BIRC6: variants seen among roughly 807,000 people sequenced by gnomAD.
The protein encoded by BIRC6 is dual E2 ubiquitin-conjugating enzyme/E3 ubiquitin-protein ligase BIRC6.
Under a neutral mutation model 503.3 loss-of-function variants are expected in BIRC6, and 98 were observed. The ratio of observed to expected loss-of-function variants is 0.19; its 90% CI spans 0.17 to 0.23. The LOEUF (loss-of-function observed/expected upper bound fraction) is 0.23, where lower values mean the gene tolerates loss of function less well. Ranked by LOEUF, BIRC6 falls within the 10% of genes least tolerant of loss-of-function variation. BIRC6 has a pLI of 1.00. For missense variants in BIRC6, 5,360 were observed against 5,806.0 expected (o/e 0.92, Z 2.50); for synonymous variants, 2,240 against 2,078.7 (o/e 1.08, Z -2.11).
At chr2:32,545,090 A>T (rs2754511) in intron 62 of BIRC6, among the ~76,000 whole-genome samples, 36,944 of 152,000 alleles carry the variant, frequency 0.24, 5,528 homozygotes, top group Non-Finnish European at 0.32. Context: ...CACTATTTTT[A>T]GTGCATATAC....
chr2:32,465,609 T>C (rs2048460371), intron 26 of BIRC6, among the ~76,000 whole-genome samples: 1 of 152,172 alleles, frequency 6.6e-6, no homozygotes, highest in Non-Finnish European at 1.5e-5. Flanking sequence ...TTACCTGAGT[T>C]TGTCTTCTGC....
In BIRC6 at chr2:32,467,555, G is replaced by A; in HGVS notation, c.5387G>A (p.Gly1796Glu). 1 of 1,613,734 alleles carries A rather than the reference G, an allele frequency of 6.2e-7. No homozygotes were observed. The highest frequency in any genetic ancestry group is 8.5e-7 in the Non-Finnish European group (1 of 1,179,818). ...GARRFVTLDF[G>E]RPILLTDVLI... ...AGAAGATTTGTGACCTTGGATTTTG[G>A]GAGGCCTATATTGTTGACTGATGTA... Residue 1796 changes from glycine (G) to glutamate (E), a missense_variant, in exon 27 of 74, where the codon GGG becomes GAG. This residue lies in a region of BIRC6 where 2,299 missense variants were observed against 2,267.2 expected (regional missense o/e 1.01). Coordinates refer to ENST00000421745, the MANE Select transcript of BIRC6 (RefSeq NM_016252.4).
At chr2:32,374,583 C>T (rs1464515257) in intron 1 of BIRC6, among the ~76,000 whole-genome samples, 1 of 151,894 alleles carries the variant, frequency 6.6e-6, no homozygotes, top group Non-Finnish European at 1.5e-5. Flanking sequence ...CGCCATTCTC[C>T]TGCCTCAGCC....
intron 66 of BIRC6, among the ~76,000 whole-genome samples, chr2:32,590,489 A>G (rs916409900): frequency 4.6e-5 from 7 of 152,174 alleles, no homozygotes; most frequent in African/African-American, 1.4e-4. Context: ...AGCTGTTTTC[A>G]GTTTTTGGAT....
At position 32,412,295 on chromosome 2, in the gene BIRC6, G is replaced by A. The variant is rs770010539; in HGVS notation, c.1478-2474G>A. On this transcript the variant is annotated intron_variant, in intron 9 of 73. Transcript: ENST00000421745. ...GGGCAGATCACGAGGTCAGGAGTTC[G>A]ACACTAGCCGGACCAACATGGTGAA... 5.3e-5 allele frequency among the ~76,000 whole-genome samples: 8 copies of A among 152,172 alleles called. No individual in the cohort carries two copies. The East Asian group carries it at 1.5e-3, about 29-fold the overall frequency.
intron 49 of BIRC6, among the ~76,000 whole-genome samples, chr2:32,503,675 G>A (rs192670260): frequency 2.0e-5 from 3 of 152,092 alleles, no homozygotes; most frequent in African/African-American, 7.2e-5. Context: ...ACCTGCCTCG[G>A]CCTCCCAAAG....
At position 32,597,359 on chromosome 2, in the gene BIRC6, G is replaced by A. The variant is rs182474226; in HGVS notation, c.13613-392G>A. Reference sequence around the variant, plus strand: ...GAAATGATTGATTAAAACAGGCTGTGCATGTTTTATCAAGTAGCCATTGTC... The same window carrying A: ...GAAATGATTGATTAAAACAGGCTGTACATGTTTTATCAAGTAGCCATTGTC... On this transcript the variant is annotated intron_variant, in intron 68 of 73. Coordinates refer to ENST00000421745, the MANE Select transcript of BIRC6 (RefSeq NM_016252.4). Among the ~76,000 whole-genome samples, 14 of 152,242 alleles carry A rather than the reference G, an allele frequency of 9.2e-5. No individual in the cohort carries two copies. The East Asian group carries it at 2.7e-3, about 29-fold the overall frequency.
At chr2:32,548,228 G>A (rs1022190076) in intron 64 of BIRC6, among the ~76,000 whole-genome samples, 1 of 151,536 alleles carries the variant, frequency 6.6e-6, no homozygotes, top group African/African-American at 2.4e-5. Flanking sequence ...TCTTCACTGA[G>A]AGGAAAGTGG....
intron 62 of BIRC6, among the ~76,000 whole-genome samples, chr2:32,543,900 A>G (rs1425610718): frequency 1.3e-5 from 2 of 152,208 alleles, no homozygotes; most frequent in African/African-American, 4.8e-5. Flanking sequence ...AAATCCCTTC[A>G]GTACTCTTGA....
Position 32,515,768 on chromosome 2 carries a change from C to T in BIRC6, c.11347C>T (p.Gln3783Ter). The change falls in exon 55 of 74, where the codon CAG (glutamine) becomes TAG (stop). Residue 3783 changes from glutamine (Q) to a stop codon, truncating the protein, a stop_gained and splice_region_variant. Transcript: ENST00000421745. LOFTEE classifies it high-confidence loss of function. Reference protein sequence around the residue: ...CHPNNQKLMAQVLCELFQTSP... With the variant: ...CHPNNQKLMA ...TCCTAATAATCAAAAGCTGATGGCA[C>T]AGGTAAGACAAAAAAATAACTTACA... 1 of 1,586,444 alleles carries T rather than the reference C, an allele frequency of 6.3e-7. No homozygotes were observed. Among genetic ancestry groups the T allele is most frequent in the Non-Finnish European group, 8.5e-7 (1 of 1,173,730 alleles).
chr2:32,536,127 T>A (rs2057215145), intron 61 of BIRC6, among the ~76,000 whole-genome samples: 1 of 152,262 alleles, frequency 6.6e-6, no homozygotes, highest in African/African-American at 2.4e-5. Flanking sequence ...TTTGTTCATA[T>A]CCTTCGCCCA....
chr2:32,577,360 A>G (rs964893565), intron 66 of BIRC6, among the ~76,000 whole-genome samples: 4 of 152,198 alleles, frequency 2.6e-5, no homozygotes, highest in African/African-American at 4.8e-5. Flanking sequence ...TTGAAAATTT[A>G]TAAAACCTTG....
At chr2:32,434,145 G>A (rs2044427751) in intron 13 of BIRC6, among the ~76,000 whole-genome samples, 1 of 152,106 alleles carries the variant, frequency 6.6e-6, no homozygotes, top group Non-Finnish European at 1.5e-5. Flanking sequence ...TGTTATGGAA[G>A]TTACTTTTAA....
At chr2:32,530,017 ACAT>A (rs1331962986) in intron 60 of BIRC6, among the ~76,000 whole-genome samples, 193 bp downstream of exon 60, 2 of 152,158 alleles carry the variant, frequency 1.3e-5, no homozygotes, top group South Asian at 2.1e-4. Flanking sequence ...ATTTCTTATA[ACAT>A]CATTTGTTTT....
rs1057231693 is a variant in BIRC6, at chr2:32,502,848, A to G, written c.9261A>G (p.Arg3087=). The G allele has an allele frequency of 6.2e-7, 1 of 1,612,790 alleles. No homozygotes were observed. The highest frequency in any genetic ancestry group is 1.3e-5 in the African/African-American group (1 of 75,000). Residue 3087 remains arginine, a synonymous_variant, in exon 48 of 74, where the codon AGA becomes AGG. Coordinates refer to ENST00000421745, the MANE Select transcript of BIRC6 (RefSeq NM_016252.4). The part of the protein sequence containing the change: ...LSEPLLWFIL[R]VLDTSDALKA... Reference sequence around the variant, plus strand: ...AGCCATTATTGTGGTTCATTTTGAGAGTATTGGATACTAGTGATGCCTTGA... The same window carrying G: ...AGCCATTATTGTGGTTCATTTTGAGGGTATTGGATACTAGTGATGCCTTGA...
chr2:32,460,273 T>TATATATATATATATATATATATATA (rs1491408691), intron 23 of BIRC6, among the ~76,000 whole-genome samples: 1 of 16,860 alleles, frequency 5.9e-5, no homozygotes, highest in Non-Finnish European at 1.0e-4. Context: ...TATATATATA[T>TATATATATATATATATATATATATA]TTTTTTTTTT....
chr2:32,615,725 C>G (rs2063183723), intron 73 of BIRC6, among the ~76,000 whole-genome samples: 1 of 152,156 alleles, frequency 6.6e-6, no homozygotes, highest in South Asian at 2.1e-4. Context: ...ACCTCTGCCT[C>G]CCTGGTTCAA....
chr2:32,477,608 T>C (rs781071757), intron 35 of BIRC6, 25 bp downstream of exon 35: 7 of 1,597,646 alleles, frequency 4.4e-6, no homozygotes, highest in Non-Finnish European at 5.1e-6. Context: ...AGTGTAGACT[T>C]ACAGGGTTGG....
At chr2:32,539,474 C>T (rs772692373) in intron 61 of BIRC6, among the ~76,000 whole-genome samples, 32 of 152,174 alleles carry the variant, frequency 2.1e-4, no homozygotes, top group Non-Finnish European at 4.3e-4. Context: ...AAATCAAACC[C>T]AGTATGTTCT....
Sources: allele counts gnomAD v4.1 joint callset (sites outside exome capture counted in the v4.1 genomes callset), GRCh38; gene constraint gnomAD v4.1.1; regional missense constraint gnomAD v4.1.1; transcripts MANE v1.5; gene names NCBI Gene and HGNC (gene_info 2026-07-23, HGNC 2026-07-21).